The following MON2 variants were observed in gnomAD, a reference collection of about 807,000 sequenced individuals.
The protein encoded by MON2 is MON2 regulator of endosome-to-Golgi trafficking.
In MON2, 84 loss-of-function variants were observed where a neutral mutation model predicts 208.6. The observed-to-expected ratio is 0.40, with a 90% CI of 0.34 to 0.48. The LOEUF is 0.48. MON2 is among the 20% of genes least tolerant of loss of function. The pLI is 0.59. For missense variants in MON2, 1,611 were observed against 2,015.4 expected (o/e 0.80, Z 3.84); for synonymous variants, 660 against 694.0 (o/e 0.95, Z 0.77).
chr12:62,479,410 ATG>A (rs200014983), intron 1 of MON2, among the ~76,000 whole-genome samples: 10 of 141,730 alleles, frequency 7.1e-5, no homozygotes, highest in Non-Finnish European at 9.1e-5. Context: ...GTATTTTAAA[ATG>A]TGTGTGTGTG....
chr12:62,540,376 GTTA>G (rs1220110994), intron 19 of MON2, among the ~76,000 whole-genome samples: 1 of 152,120 alleles, frequency 6.6e-6, no homozygotes, highest in African/African-American at 2.4e-5. Flanking sequence ...TATATAAGAT[GTTA>G]TTGGTATATG....
rs1264025537 is a variant in MON2, at chr12:62,597,104, T to TGGAGTTGATTTTAATGACA, written c.*4358_*4376dup. 1 of 152,172 alleles carries TGGAGTTGATTTTAATGACA rather than the reference T, an allele frequency of 6.6e-6. No individual in the cohort carries two copies. Among genetic ancestry groups the TGGAGTTGATTTTAATGACA allele is most frequent in the African/African-American group, 2.4e-5 (1 of 41,454 alleles). The allele number at this position is 152,172 out of a possible 1,614,324, so 9.4% of individuals were successfully genotyped here. A position where few individuals can be genotyped will look rare whatever the true frequency, so the allele number is the denominator to read the frequency against. ...GAGGAAAAAATGCATAATTTGAGTGTGGAGTTGATTTTAATGACAGGGTAA... is the reference window on the plus strand; with the variant it reads ...GAGGAAAAAATGCATAATTTGAGTGTGGAGTTGATTTTAATGACAGGAGTTGATTTTAATGACAGGGTAA... On this transcript the variant is annotated 3_prime_UTR_variant, in exon 35 of 35. Coordinates refer to ENST00000393630, the MANE Select transcript of MON2 (RefSeq NM_015026.3).
In MON2 at chr12:62,599,662, A is replaced by G. The variant is rs2075590075; in HGVS notation, c.*6913A>G. 6.6e-6 allele frequency: 1 copy of G among 152,214 alleles called. No individual in the cohort carries two copies. Among genetic ancestry groups the G allele is most frequent in the East Asian group, 1.9e-4 (1 of 5,202 alleles). The allele number at this position is 152,214 out of a possible 1,614,324, so 9.4% of individuals were successfully genotyped here. On this transcript the variant is annotated 3_prime_UTR_variant, in exon 35 of 35. Transcript: ENST00000393630. The stretch of plus-strand genomic sequence containing the variant: ...TAGGGGGTTGAAGTGAGCTGCCTAG[A>G]GTCACATACCTAAAGTCCAGGTGGA...
At chr12:62,475,950 G>A (rs745879404) in intron 1 of MON2, among the ~76,000 whole-genome samples, 1 of 152,114 alleles carries the variant, frequency 6.6e-6, no homozygotes, top group East Asian at 2.0e-4. Flanking sequence ...GGTGGAGGTT[G>A]CAGTGAGCCG....
chr12:62,481,263 A>G (rs1039919313), intron 1 of MON2, among the ~76,000 whole-genome samples: 1 of 152,136 alleles, frequency 6.6e-6, no homozygotes, highest in African/African-American at 2.4e-5. Context: ...GTGGTGGCTC[A>G]CGCCTGTAAT....
At chr12:62,589,445 T>C (rs1015484499) in intron 34 of MON2, among the ~76,000 whole-genome samples, 5 of 152,192 alleles carry the variant, frequency 3.3e-5, no homozygotes, top group Admixed American at 6.5e-5. Flanking sequence ...TATTTTTCTT[T>C]TGTTAAAATT....
chr12:62,526,446 ATCTTTTTT>A (rs1276540960), intron 11 of MON2, among the ~76,000 whole-genome samples: 2 of 152,078 alleles, frequency 1.3e-5, no homozygotes, highest in African/African-American at 2.4e-5. Context: ...CAGCAAATTA[ATCTTTTTT>A]TCTTTTTTTT....
At chr12:62,557,962 ATTTTTT>A (rs869193690) in intron 25 of MON2, among the ~76,000 whole-genome samples, 66 of 20,808 alleles carry the variant, frequency 3.2e-3, no homozygotes, top group Non-Finnish European at 3.8e-3. Context: ...ATATATATAT[ATTTTTT>A]TTTTTTTTTT....
rs373881626 is a variant in MON2 at position 62,537,557 on chromosome 12, A to G, written c.2014-45A>G. 1.3e-3 allele frequency: 1,775 copies of G among 1,390,958 alleles called. 3 individuals are homozygous for G. The highest frequency in any genetic ancestry group is 1.6e-3 in the Non-Finnish European group (1,645 of 1,008,438). 86.2% of individuals were successfully genotyped at this position (1,390,958 alleles called of 1,614,324 possible). ...CTACTTTATAAGCTTTTAATTTTTAAGAATACATAACAATTATTGAAAATG... is the reference window on the plus strand; with the variant it reads ...CTACTTTATAAGCTTTTAATTTTTAGGAATACATAACAATTATTGAAAATG... On this transcript the variant is annotated intron_variant, in intron 15 of 34. Coordinates refer to ENST00000393630, the MANE Select transcript of MON2 (RefSeq NM_015026.3).
chr12:62,504,423 T>A (rs1444439757), intron 7 of MON2, among the ~76,000 whole-genome samples: 1 of 151,810 alleles, frequency 6.6e-6, no homozygotes, highest in Non-Finnish European at 1.5e-5. Flanking sequence ...TTTTTGTATT[T>A]TTTTTAGTAG....
At chr12:62,509,001 C>T (rs957201372) in intron 8 of MON2, 6 of 152,112 alleles carry the variant, frequency 3.9e-5, no homozygotes, top group African/African-American at 1.4e-4. Context: ...ATGCTTTAGT[C>T]GTAAACATTC....
chr12:62,570,722 C>CTTTTTTTTTTTTT (rs1192680038), intron 29 of MON2, among the ~76,000 whole-genome samples: 1 of 70,814 alleles, frequency 1.4e-5, no homozygotes, highest in Non-Finnish European at 2.6e-5. Context: ...TTTTCTTTTT[C>CTTTTTTTTTTTTT]TTTTTTTTTT....
At chr12:62,505,633 C>G (rs1048178476) in intron 7 of MON2, among the ~76,000 whole-genome samples, 8 of 151,968 alleles carry the variant, frequency 5.3e-5, no homozygotes, top group Non-Finnish European at 8.8e-5. Flanking sequence ...GTAATCTTAG[C>G]TCTTTGTGGG....
intron 19 of MON2, among the ~76,000 whole-genome samples, chr12:62,540,010 G>A (rs1447450604): frequency 6.6e-6 from 1 of 151,960 alleles, no homozygotes; most frequent in Non-Finnish European, 1.5e-5. Context: ...TTCTAAATCA[G>A]GGCAAGGATA....
At chr12:62,584,678 G>A (rs534363793) in intron 32 of MON2, among the ~76,000 whole-genome samples, 26 of 145,870 alleles carry the variant, frequency 1.8e-4, no homozygotes, top group African/African-American at 6.6e-4. Flanking sequence ...ACTCCTGCCT[G>A]GGCAACAAGA....
Position 62,500,760 on chromosome 12 carries a change from A to G in MON2, c.566-23A>G, listed in dbSNP as rs115864448. On this transcript the variant is annotated intron_variant, in intron 5 of 34. Coordinates refer to ENST00000393630, the MANE Select transcript of MON2 (RefSeq NM_015026.3). ...ATTAAAGGCTATTATGAACTCCTAA[A>G]ACCCATCCTGTTTTGATTGCAGATA... 267 of 1,296,216 alleles carry G rather than the reference A, an allele frequency of 2.1e-4. 1 individual carries two copies. In the African/African-American group the frequency reaches 3.5e-3, roughly 17 times the overall value. 80.3% of individuals were successfully genotyped at this position (1,296,216 alleles called of 1,614,324 possible).
At chr12:62,587,793 A>C in intron 33 of MON2, 1 of 249,992 alleles carries the variant, frequency 4.0e-6, no homozygotes, top group Non-Finnish European at 7.6e-6. Context: ...TATGTGAAAT[A>C]TCTTACAAAT....
At position 62,594,223 on chromosome 12, in the gene MON2, T is replaced by G. The variant is rs1385589643; in HGVS notation, c.*1474T>G. ...TTTGATCTTAATAGAATTTATAAAT[T>G]TCAGCTTCTCCAGAATAATCATAAA... On this transcript the variant is annotated 3_prime_UTR_variant, in exon 35 of 35. Transcript: ENST00000393630. 1 of 152,156 alleles carries G rather than the reference T, an allele frequency of 6.6e-6. No homozygotes were observed. Among genetic ancestry groups the G allele is most frequent in the East Asian group, 1.9e-4 (1 of 5,202 alleles). 9.4% of individuals were successfully genotyped at this position (152,156 alleles called of 1,614,324 possible). A position where few individuals can be genotyped will look rare whatever the true frequency, so the allele number is the denominator to read the frequency against.
chr12:62,563,078 A>T (rs1402359842), intron 26 of MON2, among the ~76,000 whole-genome samples: 1 of 152,170 alleles, frequency 6.6e-6, no homozygotes. Flanking sequence ...CCATATCTGC[A>T]TTAATCACCG....
Sources: gnomAD v4.1 joint callset for allele counts (sites outside exome capture counted in the v4.1 genomes callset) on GRCh38, gnomAD v4.1.1 for gene constraint, MANE v1.5 for transcripts, NCBI Gene and HGNC (gene_info 2026-07-23, HGNC 2026-07-21) for gene names.